VTI1A: variants seen among roughly 807,000 people sequenced by gnomAD.
The protein encoded by VTI1A is vesicle transport through interaction with t-SNAREs homolog 1A.
A neutral mutation model predicts 34.9 loss-of-function variants in VTI1A; 22 were observed. The observed-to-expected ratio is 0.63, with a 90% CI of 0.45 to 0.90. The LOEUF (loss-of-function observed/expected upper bound fraction) is 0.90. VTI1A is among the 40% of genes least tolerant of loss of function. The pLI is 0.00. For synonymous variants in VTI1A, 87 were observed against 97.3 expected, an observed-to-expected ratio of 0.89 and a Z score of 0.62; for missense variants, 268 against 275.6, an observed-to-expected ratio of 0.97 and a Z score of 0.20.
At chr10:112,597,680 T>C (rs1844712612) in intron 5 of VTI1A, among the ~76,000 whole-genome samples, 1 of 146,848 alleles carries the variant, frequency 6.8e-6, no homozygotes, top group Non-Finnish European at 1.5e-5. Context: ...GGCAACATAG[T>C]GAGACCTTGT....
At chr10:112,457,447 G>A (rs1343411933) in intron 1 of VTI1A, among the ~76,000 whole-genome samples, 3 of 152,172 alleles carry the variant, frequency 2.0e-5, no homozygotes, top group African/African-American at 7.2e-5. Context: ...TCATGTGAGG[G>A]ATAAATCATT....
intron 3 of VTI1A, among the ~76,000 whole-genome samples, chr10:112,510,340 T>G (rs1295155447): frequency 1.3e-5 from 2 of 152,042 alleles, no homozygotes; most frequent in Non-Finnish European, 2.9e-5. Context: ...AACTTTTTAT[T>G]TAGAATAAAG....
At chr10:112,838,486 A>G in the VTI1A span, among the ~76,000 whole-genome samples, 61,429 of 150,808 alleles carry the variant, frequency 0.41, 13,522 homozygotes, top group East Asian at 0.81. Flanking sequence ...ATCCTGTATC[A>G]GATTTTTTCC....
the VTI1A span, among the ~76,000 whole-genome samples, chr10:112,833,610 C>T: frequency 4.6e-5 from 7 of 152,258 alleles, no homozygotes; most frequent in Admixed American, 1.3e-4. Flanking sequence ...CTCCATGTTA[C>T]GATGCAAATA....
chr10:112,618,759 C>T (rs1320053398), intron 5 of VTI1A, among the ~76,000 whole-genome samples: 1 of 151,764 alleles, frequency 6.6e-6, no homozygotes, highest in South Asian at 2.1e-4. Flanking sequence ...GCGTCTGCCT[C>T]CATTAGGCAG....
At chr10:112,838,344 A>T in the VTI1A span, among the ~76,000 whole-genome samples, 1 of 152,198 alleles carries the variant, frequency 6.6e-6, no homozygotes, top group African/African-American at 2.4e-5. Flanking sequence ...CTGGGAGCAG[A>T]GCCTTCTGCA....
chr10:112,747,022 C>A (rs557303725), intron 7 of VTI1A, among the ~76,000 whole-genome samples: 37 of 152,304 alleles, frequency 2.4e-4, no homozygotes, highest in Admixed American at 2.2e-3. Context: ...GTCACTTACC[C>A]AGCGCAGTCA....
intron 7 of VTI1A, among the ~76,000 whole-genome samples, chr10:112,743,052 G>GTT: frequency 6.7e-6 from 1 of 150,004 alleles, no homozygotes. Flanking sequence ...GTGTGTGTGT[G>GTT]TGTGTCTTCC....
chr10:112,522,862 G>A (rs894420179), intron 3 of VTI1A, among the ~76,000 whole-genome samples: 1 of 152,038 alleles, frequency 6.6e-6, no homozygotes. Context: ...AATGTGGCTG[G>A]TCTGATGATA....
chr10:112,744,076 A>G (rs1850797197), intron 7 of VTI1A, among the ~76,000 whole-genome samples: 1 of 152,228 alleles, frequency 6.6e-6, no homozygotes, highest in African/African-American at 2.4e-5. Context: ...CAGATATTTG[A>G]ACCATAAGAA....
chr10:112,544,962 A>T (rs574386545), intron 5 of VTI1A, among the ~76,000 whole-genome samples: 2 of 152,200 alleles, frequency 1.3e-5, no homozygotes, highest in Non-Finnish European at 2.9e-5. Context: ...TGTGACAGTC[A>T]TGGAGGACTT....
At chr10:112,773,835 C>G (rs939963494) in intron 7 of VTI1A, among the ~76,000 whole-genome samples, 1 of 152,158 alleles carries the variant, frequency 6.6e-6, no homozygotes, top group African/African-American at 2.4e-5. Context: ...AATATCTTAT[C>G]TGGGGTGGGC....
At chr10:112,748,125 G>A (rs1850968019) in intron 7 of VTI1A, among the ~76,000 whole-genome samples, 1 of 152,034 alleles carries the variant, frequency 6.6e-6, no homozygotes, top group African/African-American at 2.4e-5. Flanking sequence ...CCAGCACTAG[G>A]ATTCCTGACA....
chr10:112,597,681 G>A (rs562040624), intron 5 of VTI1A, among the ~76,000 whole-genome samples: 223 of 146,060 alleles, frequency 1.5e-3, no homozygotes, highest in Non-Finnish European at 2.5e-3. Flanking sequence ...GCAACATAGT[G>A]AGACCTTGTC....
intron 7 of VTI1A, among the ~76,000 whole-genome samples, chr10:112,700,795 C>A (rs1848983893): frequency 6.6e-6 from 1 of 152,094 alleles, no homozygotes; most frequent in South Asian, 2.1e-4. Flanking sequence ...ATAAATATAA[C>A]AAGAAGTAAA....
chr10:112,658,336 C>G (rs1454837222), intron 5 of VTI1A, among the ~76,000 whole-genome samples: 1 of 152,178 alleles, frequency 6.6e-6, no homozygotes, highest in Non-Finnish European at 1.5e-5. Context: ...ATCCTCCCAG[C>G]TGAGCCTCCC....
intron 5 of VTI1A, among the ~76,000 whole-genome samples, chr10:112,546,072 A>G (rs574345954): frequency 1.3e-4 from 20 of 148,694 alleles, no homozygotes; most frequent in Middle Eastern, 3.6e-3. Flanking sequence ...ATGTGTGTGT[A>G]TATACGTGTA....
intron 3 of VTI1A, among the ~76,000 whole-genome samples, chr10:112,475,612 A>G (rs542091780): frequency 6.6e-6 from 1 of 152,322 alleles, no homozygotes; most frequent in South Asian, 2.1e-4. Context: ...TATATAGTTT[A>G]TTGGTTTTAA....
chr10:112,784,697 G>A (rs1387269333), intron 7 of VTI1A, among the ~76,000 whole-genome samples: 2 of 152,090 alleles, frequency 1.3e-5, no homozygotes, highest in South Asian at 2.1e-4. Flanking sequence ...GTCTACAAAC[G>A]GCAAACCTCC....
Sources: gnomAD v4.1 joint callset for allele counts (sites outside exome capture counted in the v4.1 genomes callset) on GRCh38, gnomAD v4.1.1 for gene constraint, MANE v1.5 for transcripts, NCBI Gene and HGNC (gene_info 2026-07-23, HGNC 2026-07-21) for gene names.